The following FAT1 variants were observed in gnomAD, a reference collection of about 807,000 sequenced individuals.
FAT1 encodes FAT atypical cadherin 1, also known as protocadherin Fat 1.
Under a neutral mutation model 329.8 loss-of-function variants are expected in FAT1, and 171 were observed. That is an observed-to-expected ratio of 0.52 (90% CI 0.46 to 0.59). The LOEUF (loss-of-function observed/expected upper bound fraction) is 0.59. Ranked by LOEUF, FAT1 falls within the 20% of genes least tolerant of loss-of-function variation. The probability of loss-of-function intolerance (pLI) is 0.00; values close to 1 mark genes in which losing one functional copy is unlikely to be tolerated. For missense variants in FAT1, 5,672 were observed against 5,774.4 expected, an observed-to-expected ratio of 0.98 and a Z score of 0.57; for synonymous variants, 2,233 against 2,228.6, an observed-to-expected ratio of 1.00 and a Z score of -0.06.
In FAT1 at chr4:186,599,981, G is replaced by T; in HGVS notation, c.12020C>A (p.Pro4007Gln). 1 of 1,613,976 alleles carries T rather than the reference G, an allele frequency of 6.2e-7. No homozygotes were observed. Among genetic ancestry groups the T allele is most frequent in the Non-Finnish European group, 8.5e-7 (1 of 1,179,882 alleles). The change falls in exon 22 of 27, where the codon CCA becomes CAA. Residue 4007 changes from proline (P) to glutamine (Q), a missense_variant. By Grantham distance (76) the Pro-to-Gln change is moderately conservative. Coordinates refer to ENST00000441802, the MANE Select transcript of FAT1 (RefSeq NM_005245.4). Reference sequence around the variant, plus strand: ...TTCCGTGGCCGTCAGGAAGCAGCCTGGAGATACATCCACCGACTCTTCGAT... The same window carrying T: ...TTCCGTGGCCGTCAGGAAGCAGCCTTGAGATACATCCACCGACTCTTCGAT... Reference protein sequence around the residue: ...AHIEESVDVSPGCFLTATEDC... With the variant: ...AHIEESVDVSQGCFLTATEDC...
intron 16 of FAT1, among the ~76,000 whole-genome samples, chr4:186,608,958 T>C (rs1469079835): frequency 1.3e-5 from 2 of 152,224 alleles, no homozygotes; most frequent in African/African-American, 4.8e-5. Context: ...CAGTAATTCC[T>C]TCCTGAATGC....
At chr4:186,633,622 C>T in intron 7 of FAT1, 62 bp downstream of exon 7, 1 of 1,594,610 alleles carries the variant, frequency 6.3e-7, no homozygotes, top group East Asian at 2.2e-5. Context: ...GCCCGTGGAC[C>T]CCTAAGTCAG....
chr4:186,663,368 T>G lies in FAT1; in HGVS notation c.3511A>C (p.Asn1171His), dbSNP rs367749110. 16 of 1,613,892 alleles carry G rather than the reference T, an allele frequency of 9.9e-6. No individual in the cohort carries two copies. Among genetic ancestry groups the G allele is most frequent in the Non-Finnish European group, 1.4e-5 (16 of 1,179,892 alleles). ...GTAATTTTGTACATGAGCTTGTCAT[T>G]AGAGCTCGAATCTGGATCAAATGCC... Reference protein sequence around the residue: ...IEAFDPDSSSNDKLMYKITSG... With the variant: ...IEAFDPDSSSHDKLMYKITSG... Residue 1171 changes from asparagine (N) to histidine (H), a missense_variant, in exon 3 of 27, where the codon AAT becomes CAT. Asn to His is a moderately conservative substitution (Grantham distance 68). Coordinates refer to ENST00000441802, the MANE Select transcript of FAT1 (RefSeq NM_005245.4).
At chr4:186,636,352 TG>T in intron 5 of FAT1, 117 bp from the exon 6 acceptor site, 2 of 944,178 alleles carry the variant, frequency 2.1e-6, no homozygotes, top group Non-Finnish European at 3.2e-6. Flanking sequence ...ATTTCACATT[TG>T]TATTCTGTGT....
At position 186,599,193 on chromosome 4, in the gene FAT1, C is replaced by A. The variant is rs1296982; in HGVS notation, c.12103+705G>T. ...GAGTGTTTCTGTGGGGATGGCCTGG[C>A]CCACTCTACGCACACAGAATGCAAA... On this transcript the variant is annotated intron_variant, in intron 22 of 26. Coordinates refer to ENST00000441802, the MANE Select transcript of FAT1 (RefSeq NM_005245.4). 7.6e-3 allele frequency among the ~76,000 whole-genome samples: 1,156 copies of A among 152,298 alleles called. 11 individuals carry two copies. The highest frequency in any genetic ancestry group is 0.026 in the African/African-American group (1,072 of 41,552).
At chr4:186,597,876 T>A in intron 23 of FAT1, 84 bp from the exon 24 acceptor site, 1 of 1,559,060 alleles carries the variant, frequency 6.4e-7, no homozygotes, top group Non-Finnish European at 8.8e-7. Context: ...ACAGAACACA[T>A]TAGCAAATTA....
intron 2 of FAT1, among the ~76,000 whole-genome samples, chr4:186,701,517 C>T (rs112829098): frequency 2.0e-5 from 3 of 152,270 alleles, no homozygotes; most frequent in African/African-American, 7.2e-5. Flanking sequence ...AACTCTCTGC[C>T]GGGCCTCCCA....
At position 186,621,417 on chromosome 4, in the gene FAT1, T is replaced by C. The variant is rs570573735; in HGVS notation, c.5169A>G (p.Lys1723=). The C allele has an allele frequency of 1.9e-6, 3 of 1,614,040 alleles. No homozygotes were observed. In the East Asian group the frequency reaches 6.7e-5, roughly 36 times the overall value. Residue 1723 remains lysine, a synonymous_variant, in exon 10 of 27, where the codon AAA becomes AAG. Coordinates refer to ENST00000441802, the MANE Select transcript of FAT1 (RefSeq NM_005245.4). ...TGGGCAAAGTTTCAAAGTCCAGGGC[T>C]TTCTGAGTGATGATAGTTCCAGAAT... is the stretch of plus-strand genomic sequence containing the variant. The part of the protein sequence containing the change: ...NPHSGTIITQ[K]ALDFETLPIY...
rs1440964985 is a variant in FAT1 at position 186,708,334 on chromosome 4, C to T, written c.1494G>A (p.Val498=). Residue 498 remains valine (V), a synonymous_variant, in exon 2 of 27, where the codon GTG becomes GTA. Coordinates refer to ENST00000441802, the MANE Select transcript of FAT1 (RefSeq NM_005245.4). Reference sequence around the variant, plus strand: ...GATTTAAATTTGCGATACTGTATGTCACGTACCCGTTCTCACCCTCATCAG... The same window carrying T: ...GATTTAAATTTGCGATACTGTATGTTACGTACCCGTTCTCACCCTCATCAG... ...VDPDEGENGY[V]TYSIANLNHV... The T allele has an allele frequency of 6.2e-7, 1 of 1,613,916 alleles. No homozygotes were observed. Among genetic ancestry groups the T allele is most frequent in the East Asian group, 2.2e-5 (1 of 44,872 alleles).
chr4:186,704,022 T>G (rs76667336), intron 2 of FAT1, among the ~76,000 whole-genome samples: 1,867 of 152,362 alleles, frequency 0.012, 41 homozygotes, highest in African/African-American at 0.043. Flanking sequence ...TATCTTGTAA[T>G]GAATACGAGG....
In FAT1 at chr4:186,603,663, G is replaced by A. The variant is rs770480700; in HGVS notation, c.10863C>T (p.Phe3621=). 11 of 1,613,886 alleles carry A rather than the reference G, an allele frequency of 6.8e-6. No homozygotes were observed. Among genetic ancestry groups the A allele is most frequent in the Non-Finnish European group, 8.5e-7 (1 of 1,179,902 alleles). The change falls in exon 19 of 27, where the codon TTC becomes TTT. Residue 3621 remains phenylalanine, a synonymous_variant. Transcript: ENST00000441802. ...LLNVSVTDGK[F]TTVADITVHI... ...GCACTGTGATGTCGGCCACCGTCGT[G>A]AACTTCCCATCTGTTACGCTGACAT...
intron 26 of FAT1, among the ~76,000 whole-genome samples, chr4:186,592,080 A>T (rs2126368749): frequency 6.6e-6 from 1 of 152,280 alleles, no homozygotes; most frequent in African/African-American, 2.4e-5. Context: ...TTCACATTAC[A>T]GTTTGAAAAG....
In FAT1 at chr4:186,620,010, T is replaced by C. The variant is rs1246675353; in HGVS notation, c.6576A>G (p.Ala2192=). ...FEKPFYSAEI[A]ESIQVHSPVV... is the part of the protein sequence containing the mutation. ...CAGGGCTGTGCACCTGGATGCTCTCTGCAATCTCTGCACTGTAGAAAGGTT... is the reference window on the plus strand; with the variant it reads ...CAGGGCTGTGCACCTGGATGCTCTCCGCAATCTCTGCACTGTAGAAAGGTT... Residue 2192 remains alanine, a synonymous_variant, in exon 10 of 27, where the codon GCA becomes GCG. Transcript: ENST00000441802. 6.2e-7 allele frequency: 1 copy of C among 1,614,064 alleles called. No individual in the cohort carries two copies.
At chr4:186,645,945 C>CAAAAAAA (rs773581100) in intron 3 of FAT1, among the ~76,000 whole-genome samples, 1 of 58,224 alleles carries the variant, frequency 1.7e-5, no homozygotes, top group African/African-American at 6.4e-5. Flanking sequence ...GACTGTCTCA[C>CAAAAAAA]AAAAAAAAAA....
rs376546016 is a variant in FAT1, at chr4:186,670,869, G to T, written c.3266-7256C>A. On this transcript the variant is annotated intron_variant, in intron 2 of 26. Coordinates refer to ENST00000441802, the MANE Select transcript of FAT1 (RefSeq NM_005245.4). ...TCATGTGGGAGCTTGGACCACAGAA[G>T]GCACCTTAGGTAAGAACTCAGAAAA... 2.8e-4 allele frequency among the ~76,000 whole-genome samples: 42 copies of T among 152,228 alleles called. 1 individual carries two copies. In the East Asian group the frequency reaches 6.8e-3, roughly 25 times the overall value.
chr4:186,634,580 C>T (rs1740742186), intron 6 of FAT1, among the ~76,000 whole-genome samples: 2 of 151,002 alleles, frequency 1.3e-5, no homozygotes, highest in South Asian at 4.2e-4. Flanking sequence ...AACACGCTGG[C>T]GAGTGGGATG....
At position 186,620,872 on chromosome 4, in the gene FAT1, T is replaced by C. The variant is rs1740008382; in HGVS notation, c.5714A>G (p.Asp1905Gly). 1 of 1,613,928 alleles carries C rather than the reference T, an allele frequency of 6.2e-7. No individual in the cohort carries two copies. Among genetic ancestry groups the C allele is most frequent in the African/African-American group, 1.3e-5 (1 of 74,944 alleles). Residue 1905 changes from aspartate to glycine, a missense_variant, in exon 10 of 27, where the codon GAT (aspartate) becomes GGT (glycine). Coordinates refer to ENST00000441802, the MANE Select transcript of FAT1 (RefSeq NM_005245.4). ...CTGTGAGAATGCACTTGAATCAGCATCTGTAGCATTTACTGTGATGACTTT... is the reference window on the plus strand; with the variant it reads ...CTGTGAGAATGCACTTGAATCAGCACCTGTAGCATTTACTGTGATGACTTT... ...GVKVITVNAT[D>G]ADSSAFSQLI...
intron 2 of FAT1, among the ~76,000 whole-genome samples, chr4:186,679,285 C>T (rs1560987318): frequency 1.3e-5 from 2 of 151,840 alleles, no homozygotes; most frequent in South Asian, 2.1e-4. Context: ...GGCGTGGTGG[C>T]GGGAGCCTGT....
chr4:186,714,163 G>C (rs1417566835), intron 1 of FAT1, among the ~76,000 whole-genome samples: 1 of 152,202 alleles, frequency 6.6e-6, no homozygotes, highest in Admixed American at 6.5e-5. Context: ...GCTGGAGGGC[G>C]ACCAGAGCAG....
Sources: allele counts gnomAD v4.1 joint callset (sites outside exome capture counted in the v4.1 genomes callset), GRCh38; gene constraint gnomAD v4.1.1; transcripts MANE v1.5; gene names NCBI Gene and HGNC (gene_info 2026-07-23, HGNC 2026-07-21).